MCUB: variants seen among roughly 807,000 people sequenced by gnomAD.
MCUB encodes the protein mitochondrial calcium uniporter dominant negative subunit beta.
A neutral mutation model predicts 41.4 loss-of-function variants in MCUB; 46 were observed. The ratio of observed to expected loss-of-function variants is 1.11; its 90% CI spans 0.88 to 1.42. The LOEUF (loss-of-function observed/expected upper bound fraction) is 1.42. MCUB is among the 40% of genes most tolerant of loss of function. The probability of loss-of-function intolerance (pLI) is 0.00; values close to 1 mark genes in which losing one functional copy is unlikely to be tolerated. For synonymous variants in MCUB, 148 were observed against 148.2 expected (o/e 1.00, Z 0.01); for missense variants, 403 against 404.9 (o/e 1.00, Z 0.04).
intron 1 of MCUB, among the ~76,000 whole-genome samples, chr4:109,602,734 T>C (rs1381127150): frequency 6.6e-6 from 1 of 152,244 alleles, no homozygotes; most frequent in Non-Finnish European, 1.5e-5. Context: ...TTTTTTCTAT[T>C]TCTGTGAAGA....
chr4:109,681,417 C>G, intron 4 of MCUB: 1 of 450,776 alleles, frequency 2.2e-6, no homozygotes, highest in Non-Finnish European at 4.5e-6. Context: ...GGCGATCTAC[C>G]TTTGTTCTTT....
At chr4:109,647,048 A>G (rs1728855360) in intron 1 of MCUB, among the ~76,000 whole-genome samples, 1 of 152,170 alleles carries the variant, frequency 6.6e-6, no homozygotes, top group Non-Finnish European at 1.5e-5. Context: ...AGCAGTTTTA[A>G]TTTCATAGCA....
chr4:109,592,929 GAAA>G (rs1033610151), intron 1 of MCUB, among the ~76,000 whole-genome samples: 1 of 152,084 alleles, frequency 6.6e-6, no homozygotes, highest in Non-Finnish European at 1.5e-5. Context: ...AACAGACTCA[GAAA>G]AAAACATGTT....
intron 1 of MCUB, among the ~76,000 whole-genome samples, chr4:109,615,775 T>C (rs1479796819): frequency 6.6e-6 from 1 of 152,192 alleles, no homozygotes; most frequent in East Asian, 1.9e-4. Flanking sequence ...GAAAATGGTT[T>C]TAGGATAAGT....
chr4:109,600,500 G>A (rs1358718877), intron 1 of MCUB, among the ~76,000 whole-genome samples: 12 of 152,134 alleles, frequency 7.9e-5, no homozygotes, highest in Admixed American at 5.2e-4. Context: ...GTAGACCATA[G>A]GTTAAAAGCC....
intron 4 of MCUB, among the ~76,000 whole-genome samples, chr4:109,679,240 C>T (rs28411711): frequency 0.022 from 3,385 of 152,236 alleles, 115 homozygotes; most frequent in African/African-American, 0.078. Flanking sequence ...ACTTCCTAGA[C>T]GGGGTGGCGG....
chr4:109,653,327 C>T (rs1025645954), intron 1 of MCUB, among the ~76,000 whole-genome samples: 13 of 150,910 alleles, frequency 8.6e-5, no homozygotes, highest in African/African-American at 2.7e-4. Flanking sequence ...TGCAGTGAGC[C>T]GAGTTCATGC....
At chr4:109,682,550 G>T in intron 4 of MCUB, 32 bp from the exon 5 acceptor site, 2 of 1,568,916 alleles carry the variant, frequency 1.3e-6, no homozygotes, top group South Asian at 2.4e-5. Flanking sequence ...ACAATGTGGT[G>T]ACTGGCTTGT....
At chr4:109,600,797 T>C (rs1727713157) in intron 1 of MCUB, among the ~76,000 whole-genome samples, 2 of 152,020 alleles carry the variant, frequency 1.3e-5, no homozygotes, top group African/African-American at 2.4e-5. Flanking sequence ...ATTATATATA[T>C]ATATTTTTTT....
chr4:109,621,488 A>G (rs1163227504), intron 1 of MCUB, among the ~76,000 whole-genome samples: 2 of 152,244 alleles, frequency 1.3e-5, no homozygotes, highest in African/African-American at 2.4e-5. Context: ...TTTCTAATAT[A>G]TCACACAGAA....
At chr4:109,683,595 T>G (rs1035477800) in intron 5 of MCUB, among the ~76,000 whole-genome samples, 1 of 152,220 alleles carries the variant, frequency 6.6e-6, no homozygotes, top group Non-Finnish European at 1.5e-5. Context: ...TACATTCTTA[T>G]TTTATTCTCT....
chr4:109,681,206 T>C (rs1729708422), intron 4 of MCUB, among the ~76,000 whole-genome samples: 1 of 152,166 alleles, frequency 6.6e-6, no homozygotes, highest in African/African-American at 2.4e-5. Flanking sequence ...GCTCTGAACC[T>C]CAGCTGATAG....
At chr4:109,640,499 ATCT>A in intron 1 of MCUB, among the ~76,000 whole-genome samples, 1 of 152,324 alleles carries the variant, frequency 6.6e-6, no homozygotes, top group Middle Eastern at 3.4e-3. Context: ...TCTTAGCTAG[ATCT>A]TCTGGATAAC....
chr4:109,675,262 A>G (rs939467903), intron 4 of MCUB, among the ~76,000 whole-genome samples: 4 of 152,250 alleles, frequency 2.6e-5, no homozygotes, highest in African/African-American at 9.6e-5. Flanking sequence ...TTGAACTCAG[A>G]TAAACATTTC....
intron 1 of MCUB, among the ~76,000 whole-genome samples, chr4:109,643,035 C>T (rs924369475): frequency 4.0e-5 from 6 of 151,274 alleles, no homozygotes; most frequent in African/African-American, 9.7e-5. Flanking sequence ...CCTGGTGATC[C>T]GCCCACCTTG....
At chr4:109,636,261 C>T (rs1306064633) in intron 1 of MCUB, among the ~76,000 whole-genome samples, 1 of 151,954 alleles carries the variant, frequency 6.6e-6, no homozygotes, top group African/African-American at 2.4e-5. Flanking sequence ...GGGTAGATAC[C>T]CTAAAAGGTT....
chr4:109,594,866 G>C (rs1727519496), intron 1 of MCUB, among the ~76,000 whole-genome samples: 1 of 151,448 alleles, frequency 6.6e-6, no homozygotes. Flanking sequence ...ATACCAAAAA[G>C]AGAGAGGCTC....
chr4:109,584,672 C>G (rs995756245), intron 1 of MCUB, among the ~76,000 whole-genome samples: 3 of 152,182 alleles, frequency 2.0e-5, no homozygotes, highest in African/African-American at 4.8e-5. Context: ...TCATTGGTTT[C>G]AAAGAACATC....
rs1729585491 is a variant in MCUB at position 109,676,809 on chromosome 4, T to TCAA, written c.452-5773_452-5772insCAA. ...TGGCAGAAGAAAATTCTAAGCAAAATATTGAAGAATCTGCATGGTTTCTTT... is the reference window on the plus strand; with the variant it reads ...TGGCAGAAGAAAATTCTAAGCAAAATCAAATTGAAGAATCTGCATGGTTTCTTT... On this transcript the variant is annotated intron_variant, in intron 4 of 7. Coordinates refer to ENST00000394650, the MANE Select transcript of MCUB (RefSeq NM_017918.5). Among the ~76,000 whole-genome samples the TCAA allele has an allele frequency of 3.9e-5, 6 of 152,200 alleles. No individual in the cohort carries two copies. The South Asian group carries it at 1.2e-3, about 31-fold the overall frequency.
Sources: allele counts gnomAD v4.1 joint callset (sites outside exome capture counted in the v4.1 genomes callset), GRCh38; gene constraint gnomAD v4.1.1; transcripts MANE v1.5; gene names NCBI Gene and HGNC (gene_info 2026-07-23, HGNC 2026-07-21).